Variants in TTN observed in about 807,000 individuals in gnomAD.
TTN encodes the protein connectin.
Under a neutral mutation model 3,223.0 loss-of-function variants are expected in TTN, and 1,525 were observed. The ratio of observed to expected loss-of-function variants is 0.47; its 90% CI spans 0.45 to 0.49. The LOEUF is 0.49. TTN is among the 20% of genes least tolerant of loss of function. The pLI, the probability that TTN is intolerant of heterozygous loss-of-function variation, is 0.00. For synonymous variants in TTN, 14,094 were observed against 15,161.0 expected, an observed-to-expected ratio of 0.93 and a Z score of 5.17; for missense variants, 40,786 against 43,424.0, an observed-to-expected ratio of 0.94 and a Z score of 5.40.
rs1448200477 is a variant in TTN, at chr2:178,733,667, A to T, written c.15722T>A (p.Leu5241Gln). ...QISFGGKYTCLAENEAGSQTS... is the reference protein window; with the variant it reads ...QISFGGKYTCQAENEAGSQTS... ...TTGGCTTCCAGCTTCATTTTCAGCC[A>T]GGCACGTGTATTTGCCTCCAAAACT... The change falls in exon 53 of 363, where the codon CTG becomes CAG. Residue 5241 changes from leucine to glutamine, a missense_variant. Coordinates refer to ENST00000589042, the MANE Select transcript of TTN (RefSeq NM_001267550.2). 1 of 1,613,336 alleles carries T rather than the reference A, an allele frequency of 6.2e-7. No homozygotes were observed. The highest frequency in any genetic ancestry group is 1.7e-4 in the Middle Eastern group (1 of 6,056).
chr2:178,747,460 T>C (rs1207407682), intron 47 of TTN: 1 of 1,613,292 alleles, frequency 6.2e-7, no homozygotes, highest in African/African-American at 1.3e-5. Flanking sequence ...ACTCAGATAT[T>C]TCTTCACTGG....
rs1553709304 is a variant in TTN at position 178,617,495 on chromosome 2, C to T, written c.47590G>A (p.Val15864Ile). The T allele has an allele frequency of 6.3e-7, 1 of 1,589,334 alleles. No homozygotes were observed. The highest frequency in any genetic ancestry group is 8.5e-7 in the Non-Finnish European group (1 of 1,172,706). ...GTCTGATCTGAGGAAGTTAGGTTTA[C>T]AGGAGGACTTGGTCTCTCTGGAATA... Reference protein sequence around the residue: ...ADPIERPSPPVNLTSSDQTQS... With the variant: ...ADPIERPSPPINLTSSDQTQS... Residue 15864 changes from valine (V) to isoleucine (I), a missense_variant, in exon 254 of 363, where the codon GTA becomes ATA. Val to Ile is a conservative substitution (Grantham distance 29). Coordinates refer to ENST00000589042, the MANE Select transcript of TTN (RefSeq NM_001267550.2).
Position 178,561,319 on chromosome 2 carries a change from A to G in TTN, c.84813T>C (p.Leu28271=), listed in dbSNP as rs750161027. The G allele has an allele frequency of 1.2e-6, 2 of 1,613,682 alleles. No homozygotes were observed. The highest frequency in any genetic ancestry group is 1.7e-6 in the Non-Finnish European group (2 of 1,179,816). ...VTNITRKSVS[L]KWSKPHYDGG... ...CATCATAATGTGGTTTAGACCATTT[A>G]AGTGACACTGATTTTCTTGTGATAT... The change falls in exon 326 of 363, where the codon CTT becomes CTC. Residue 28271 remains leucine, a synonymous_variant. Coordinates refer to ENST00000589042, the MANE Select transcript of TTN (RefSeq NM_001267550.2).
chr2:178,565,364 G>A lies in TTN; in HGVS notation c.80768C>T (p.Thr26923Ile). Residue 26923 changes from threonine (T) to isoleucine (I), a missense_variant, in exon 326 of 363, where the codon ACA (threonine) becomes ATA (isoleucine). Transcript: ENST00000589042. ...WVKDGEPLKQ[T>I]TRVNVEETAT... ...TGTTTCTTCAACGTTTACTCTTGTT[G>A]TCTGTTTAAGAGGCTCACCATCTTT... The A allele has an allele frequency of 1.2e-6, 2 of 1,613,548 alleles. No homozygotes were observed. Among genetic ancestry groups the A allele is most frequent in the East Asian group, 2.2e-5 (1 of 44,842 alleles).
chr2:178,620,527 G>T lies in TTN; in HGVS notation c.45994C>A (p.Leu15332Met). ...WCKVNRLNVTLKWTKNGEEVP... is the reference protein window; with the variant it reads ...WCKVNRLNVTMKWTKNGEEVP... Reference sequence around the variant, plus strand: ...TCTTCACCATTTTTGGTCCACTTCAGTGTTACATTGAGACGATTCACCTTG... The same window carrying T: ...TCTTCACCATTTTTGGTCCACTTCATTGTTACATTGAGACGATTCACCTTG... Residue 15332 changes from leucine (L) to methionine (M), a missense_variant, in exon 248 of 363, where the codon CTG (leucine) becomes ATG (methionine). Transcript: ENST00000589042. 6.2e-7 allele frequency: 1 copy of T among 1,612,296 alleles called. No homozygotes were observed. The highest frequency in any genetic ancestry group is 8.5e-7 in the Non-Finnish European group (1 of 1,178,956).
chr2:178,563,009 T>G lies in TTN; in HGVS notation c.83123A>C (p.Lys27708Thr). Residue 27708 changes from lysine (K) to threonine (T), a missense_variant, in exon 326 of 363, where the codon AAA (lysine) becomes ACA (threonine). Transcript: ENST00000589042. The surrounding 1 kb of genome is among the most constrained non-coding windows in gnomAD (Gnocchi z 4.5). ...GAGAATGCCTTCTGCCTTTTCCCAT[T>G]TAACTTCGGGTTCTGGTCGACCTTT... ...TIKGRPEPEV[K>T]WEKAEGILTD... 1 of 1,613,712 alleles carries G rather than the reference T, an allele frequency of 6.2e-7. No homozygotes were observed. Among genetic ancestry groups the G allele is most frequent in the Non-Finnish European group, 8.5e-7 (1 of 1,179,706 alleles).
chr2:178,568,818 C>T lies in TTN; in HGVS notation c.77314G>A (p.Val25772Ile). 6.2e-7 allele frequency: 1 copy of T among 1,613,240 alleles called. No individual in the cohort carries two copies. Among genetic ancestry groups the T allele is most frequent in the Non-Finnish European group, 8.5e-7 (1 of 1,179,572 alleles). The change falls in exon 326 of 363, where the codon GTT becomes ATT. Residue 25772 changes from valine to isoleucine, a missense_variant. Coordinates refer to ENST00000589042, the MANE Select transcript of TTN (RefSeq NM_001267550.2). ...CTTCTCCCCTTTTCATTTACAGCAA[C>T]AACTCTAAAAAGATATTCTTCCCCT... ...TQGEEYLFRV[V>I]AVNEKGRSDP...
At chr2:178,786,345 C>T (rs1331722035) in intron 13 of TTN, among the ~76,000 whole-genome samples, 1 of 152,064 alleles carries the variant, frequency 6.6e-6, no homozygotes, top group African/African-American at 2.4e-5. Flanking sequence ...CTCTGTACAC[C>T]TACTTAATTA....
intron 354 of TTN, 147 bp from the exon 355 acceptor site, chr2:178,538,064 G>T: frequency 1.3e-6 from 1 of 777,194 alleles, no homozygotes; most frequent in Non-Finnish European, 2.0e-6. Context: ...TCTTTGAAGT[G>T]ATTTTCCTAG....
Position 178,705,235 on chromosome 2 carries a change from C to T in TTN, c.29543G>A (p.Arg9848Gln), listed in dbSNP as rs773444238. 29 of 1,613,572 alleles carry T rather than the reference C, an allele frequency of 1.8e-5. No individual in the cohort carries two copies. In the East Asian group the frequency reaches 2.0e-4, roughly 11 times the overall value. Residue 9848 changes from arginine to glutamine, a missense_variant, in exon 103 of 363, where the codon CGA becomes CAA. Physicochemically the swap from Arg to Gln is conservative, Grantham distance 43. Coordinates refer to ENST00000589042, the MANE Select transcript of TTN (RefSeq NM_001267550.2). ...YARMYGITDFRGLLQAFELLK... is the reference protein window; with the variant it reads ...YARMYGITDFQGLLQAFELLK... The stretch of plus-strand genomic sequence containing the variant: ...CAGTTCAAATGCTTGAAGAAGACCT[C>T]GGAAGTCAGTGATTCCATACATGCG...
At chr2:178,699,559 C>T (rs1022389655) in intron 111 of TTN, among the ~76,000 whole-genome samples, 1 of 145,142 alleles carries the variant, frequency 6.9e-6, no homozygotes, top group African/African-American at 2.5e-5. Context: ...CTACAGGCGC[C>T]CGCCACCGCG....
intron 154 of TTN, 67 bp downstream of exon 154, chr2:178,672,340 A>AT: frequency 6.2e-7 from 1 of 1,601,454 alleles, no homozygotes; most frequent in Non-Finnish European, 8.5e-7. Flanking sequence ...CAAAATATAT[A>AT]TTTTTAAAAC....
chr2:178,555,346 CTG>C lies in TTN; in HGVS notation c.88307-196_88307-195del, dbSNP rs145641095. ...TTCTATCTCAGATGGGGTAGAAAGA[CTG>C]TGAGTTGTGCAGGGACTTAAGCACC... is the stretch of plus-strand genomic sequence containing the variant. On this transcript the variant is annotated intron_variant, in intron 330 of 362. Coordinates refer to ENST00000589042, the MANE Select transcript of TTN (RefSeq NM_001267550.2). The C allele has an allele frequency of 6.1e-3, 3,537 of 577,590 alleles. 109 individuals carry two copies. In the African/African-American group the frequency reaches 0.061, roughly 10 times the overall value. The allele number at this position is 577,590 out of a possible 1,614,324, so 35.8% of individuals were successfully genotyped here.
At chr2:178,777,671 T>A in intron 25 of TTN, 33 bp downstream of exon 25, 1 of 1,613,934 alleles carries the variant, frequency 6.2e-7, no homozygotes, top group Non-Finnish European at 8.5e-7. Flanking sequence ...TTTGTGTTTT[T>A]ATGATTCATG....
At position 178,573,215 on chromosome 2, in the gene TTN, C is replaced by G. The variant is rs762318997; in HGVS notation, c.72917G>C (p.Ser24306Thr). Reference protein sequence around the residue: ...RIMAENAAGISAPSPTSPFYK... With the variant: ...RIMAENAAGITAPSPTSPFYK... The stretch of plus-strand genomic sequence containing the variant: ...AAATGGACTGGTAGGACTTGGTGCA[C>G]TAATTCCAGCAGCATTTTCAGCCAT... Residue 24306 changes from serine (S) to threonine (T), a missense_variant, in exon 326 of 363, where the codon AGT becomes ACT. Coordinates refer to ENST00000589042, the MANE Select transcript of TTN (RefSeq NM_001267550.2). The G allele has an allele frequency of 6.2e-7, 1 of 1,606,756 alleles. No individual in the cohort carries two copies. The highest frequency in any genetic ancestry group is 8.5e-7 in the Non-Finnish European group (1 of 1,175,460).
chr2:178,630,693 A>C, intron 238 of TTN, 111 bp downstream of exon 238: 3 of 1,473,976 alleles, frequency 2.0e-6, no homozygotes, highest in Non-Finnish European at 2.7e-6. Flanking sequence ...AGGGTCTGAT[A>C]GAGAAACTGC....
Position 178,720,155 on chromosome 2 carries a change from C to T in TTN, c.23487G>A (p.Leu7829=), listed in dbSNP as rs1255955033. ...EGFQPISVVW[L]KDRGEVIRES... ...CTCTGATGACTTCACCTCTATCTTTCAGCCAGACAACAGAAATTGGCTGGA... is the reference window on the plus strand; with the variant it reads ...CTCTGATGACTTCACCTCTATCTTTTAGCCAGACAACAGAAATTGGCTGGA... Residue 7829 remains leucine, a synonymous_variant, in exon 81 of 363, where the codon CTG becomes CTA. Coordinates refer to ENST00000589042, the MANE Select transcript of TTN (RefSeq NM_001267550.2). The T allele has an allele frequency of 1.9e-6, 3 of 1,613,788 alleles. No individual in the cohort carries two copies. Among genetic ancestry groups the T allele is most frequent in the South Asian group, 1.1e-5 (1 of 91,074 alleles).
At chr2:178,644,426 A>C (rs2061614050) in intron 218 of TTN, 122 bp downstream of exon 218, 2 of 707,826 alleles carry the variant, frequency 2.8e-6, no homozygotes, top group African/African-American at 1.9e-5. Flanking sequence ...AATATAAGAA[A>C]TGAATGGGAC....
At chr2:178,734,026 G>T (rs1158711324) in intron 52 of TTN, 134 bp from the exon 53 acceptor site, 4 of 939,846 alleles carry the variant, frequency 4.3e-6, no homozygotes, top group African/African-American at 1.7e-5. Flanking sequence ...ATTAGAAGAA[G>T]AAATAAAAGT....
Sources: gnomAD v4.1 joint callset for allele counts (sites outside exome capture counted in the v4.1 genomes callset) on GRCh38, gnomAD v4.1.1 for gene constraint, Gnocchi (gnomAD v3.1) non-coding constraint, MANE v1.5 for transcripts, NCBI Gene and HGNC (gene_info 2026-07-23, HGNC 2026-07-21) for gene names.